The following NOS1AP variants were observed in gnomAD, a reference collection of about 807,000 sequenced individuals.
NOS1AP encodes the protein carboxyl-terminal PDZ ligand of neuronal nitric oxide synthase protein.
A neutral mutation model predicts 56.2 loss-of-function variants in NOS1AP; 21 were observed. That is an observed-to-expected ratio of 0.37 (90% CI 0.26 to 0.54). The LOEUF is 0.54. Ranked by LOEUF, NOS1AP falls within the 20% of genes least tolerant of loss-of-function variation. The pLI, the probability that NOS1AP is intolerant of heterozygous loss-of-function variation, is 0.84. For missense variants in NOS1AP, 522 were observed against 657.8 expected, an observed-to-expected ratio of 0.79 and a Z score of 2.26; for synonymous variants, 270 against 274.6, an observed-to-expected ratio of 0.98 and a Z score of 0.17.
Position 162,365,448 on chromosome 1 carries a change from G to C in NOS1AP, c.984G>C (p.Arg328=). The stretch of plus-strand genomic sequence containing the variant: ...AGTTGGCTGCTGAGGCTGCGGCGCG[G>C]CTGGAGGCCCAGGCTCGCGTGCATC... ...KDQLAAEAAA[R]LEAQARVHQL... The change falls in exon 9 of 10, where the codon CGG becomes CGC. Residue 328 remains arginine (R), a synonymous_variant. Transcript: ENST00000361897. 6.2e-7 allele frequency: 1 copy of C among 1,614,050 alleles called. No homozygotes were observed. Among genetic ancestry groups the C allele is most frequent in the African/African-American group, 1.3e-5 (1 of 75,078 alleles).
chr1:162,253,210 A>G (rs899893636), intron 2 of NOS1AP, among the ~76,000 whole-genome samples: 1 of 152,022 alleles, frequency 6.6e-6, no homozygotes, highest in Non-Finnish European at 1.5e-5. Context: ...CCCTCTCCAC[A>G]CTTCTTCCTT....
Position 162,367,040 on chromosome 1 carries a change from T to C in NOS1AP, c.1106-12T>C. ...AACGCTGCCCCTCTGCTACCTCTTGTCTCCCCTGCAGTGGGCTCCCAGGAC... is the reference window on the plus strand; with the variant it reads ...AACGCTGCCCCTCTGCTACCTCTTGCCTCCCCTGCAGTGGGCTCCCAGGAC... On this transcript the variant is annotated splice_polypyrimidine_tract_variant and intron_variant, in intron 9 of 9. Transcript: ENST00000361897. This position sits in a 1 kb window ranked among gnomAD's most constrained non-coding sequence, Gnocchi z 6.5. 7 of 1,613,808 alleles carry C rather than the reference T, an allele frequency of 4.3e-6. No homozygotes were observed. The highest frequency in any genetic ancestry group is 5.9e-6 in the Non-Finnish European group (7 of 1,179,972).
chr1:162,286,818 G>C (rs1655102409), intron 2 of NOS1AP, among the ~76,000 whole-genome samples: 1 of 152,194 alleles, frequency 6.6e-6, no homozygotes, highest in Non-Finnish European at 1.5e-5. Context: ...GGCTAGCAGG[G>C]CTGTGGGTAG....
chr1:162,270,896 G>A (rs1406089382), intron 2 of NOS1AP, among the ~76,000 whole-genome samples: 2 of 152,164 alleles, frequency 1.3e-5, no homozygotes, highest in African/African-American at 4.8e-5. Flanking sequence ...CCCTAGAGTG[G>A]CCTTTGAGGC....
intron 1 of NOS1AP, among the ~76,000 whole-genome samples, chr1:162,152,388 G>A (rs1228622603): frequency 2.0e-5 from 3 of 152,240 alleles, no homozygotes; most frequent in Admixed American, 2.0e-4. Context: ...GCCATCAGCT[G>A]TGCAGTGTCA....
intron 2 of NOS1AP, among the ~76,000 whole-genome samples, chr1:162,257,708 CA>C (rs140373422): frequency 0.04 from 6,077 of 151,826 alleles, 135 homozygotes; most frequent in Non-Finnish European, 0.043. Context: ...TAAACACTGT[CA>C]AAGGCACTGT....
intron 6 of NOS1AP, among the ~76,000 whole-genome samples, chr1:162,353,312 T>G (rs1471613357): frequency 1.3e-5 from 2 of 152,192 alleles, no homozygotes; most frequent in Non-Finnish European, 2.9e-5. Flanking sequence ...CGGGACCACT[T>G]GCATTGCCTG....
intron 4 of NOS1AP, among the ~76,000 whole-genome samples, chr1:162,323,401 T>G (rs1344982641): frequency 2.0e-5 from 3 of 152,256 alleles, no homozygotes; most frequent in African/African-American, 7.2e-5. Context: ...CTATCCGACT[T>G]GTAATAATTG....
intron 2 of NOS1AP, among the ~76,000 whole-genome samples, chr1:162,164,683 A>G (rs1227588173): frequency 6.6e-6 from 1 of 152,226 alleles, no homozygotes; most frequent in Non-Finnish European, 1.5e-5. Flanking sequence ...TGTGGCATGT[A>G]TCAAAAGTTT....
intron 2 of NOS1AP, among the ~76,000 whole-genome samples, chr1:162,224,899 A>C (rs1363542944): frequency 6.6e-6 from 1 of 152,214 alleles, no homozygotes; most frequent in Non-Finnish European, 1.5e-5. Context: ...TGGGTCAGTG[A>C]GCAACTCAGC....
chr1:162,120,241 T>C (rs1428516359), intron 1 of NOS1AP, among the ~76,000 whole-genome samples: 1 of 152,210 alleles, frequency 6.6e-6, no homozygotes, highest in Non-Finnish European at 1.5e-5. Flanking sequence ...AAATATTTTT[T>C]GCATTATATC....
intron 2 of NOS1AP, among the ~76,000 whole-genome samples, chr1:162,251,355 A>G (rs1350335249): frequency 1.3e-5 from 2 of 152,076 alleles, no homozygotes; most frequent in African/African-American, 2.4e-5. Flanking sequence ...TTCACTTGCC[A>G]TCATTTTCTA....
At chr1:162,291,522 A>G (rs1004008915) in intron 3 of NOS1AP, among the ~76,000 whole-genome samples, 1 of 152,212 alleles carries the variant, frequency 6.6e-6, no homozygotes, top group African/African-American at 2.4e-5. Context: ...CCTTTCTCAA[A>G]TATAGGAAGG....
chr1:162,192,258 C>T (rs1372292623), intron 2 of NOS1AP, among the ~76,000 whole-genome samples: 1 of 152,194 alleles, frequency 6.6e-6, no homozygotes, highest in Admixed American at 6.5e-5. Flanking sequence ...GAGCCATCAA[C>T]CTGACTGCCG....
intron 2 of NOS1AP, among the ~76,000 whole-genome samples, chr1:162,254,492 A>T (rs1653963902): frequency 6.6e-6 from 1 of 152,170 alleles, no homozygotes; most frequent in Non-Finnish European, 1.5e-5. Context: ...AGCACGAGAG[A>T]CATGGAATTC....
intron 1 of NOS1AP, among the ~76,000 whole-genome samples, chr1:162,129,640 T>C (rs960431336): frequency 1.3e-5 from 2 of 152,220 alleles, no homozygotes; most frequent in African/African-American, 4.8e-5. Flanking sequence ...CCTTGAGTTA[T>C]TGATTCTGTT....
At chr1:162,203,170 T>C (rs200371086) in intron 2 of NOS1AP, among the ~76,000 whole-genome samples, 4 of 145,296 alleles carry the variant, frequency 2.8e-5, no homozygotes, top group South Asian at 2.2e-4. Context: ...GCTGTTTTTT[T>C]CCCTATGAAA....
intron 2 of NOS1AP, among the ~76,000 whole-genome samples, chr1:162,168,196 C>T (rs994107704): frequency 6.6e-6 from 1 of 152,150 alleles, no homozygotes; most frequent in South Asian, 2.1e-4. Flanking sequence ...GTCTCCTGAC[C>T]ACGACGATCC....
intron 1 of NOS1AP, among the ~76,000 whole-genome samples, chr1:162,148,812 C>A (rs1649586859): frequency 6.6e-6 from 1 of 152,092 alleles, no homozygotes; most frequent in Non-Finnish European, 1.5e-5. Context: ...AGTAAGGAGG[C>A]CATTGTATAG....
Sources: allele counts gnomAD v4.1 joint callset (sites outside exome capture counted in the v4.1 genomes callset), GRCh38; gene constraint gnomAD v4.1.1; non-coding constraint Gnocchi (gnomAD v3.1); transcripts MANE v1.5; gene names NCBI Gene and HGNC (gene_info 2026-07-23, HGNC 2026-07-21).